The following FAN1 variants were observed in gnomAD, a reference collection of about 807,000 sequenced individuals.
The protein encoded by FAN1 is FANCD2 and FANCI associated nuclease 1.
A neutral mutation model predicts 104.9 loss-of-function variants in FAN1; 91 were observed. The observed-to-expected ratio is 0.87, with a 90% CI of 0.73 to 1.03. FAN1 has a LOEUF of 1.03. FAN1 is among the 50% of genes least tolerant of loss of function. The pLI, the probability that FAN1 is intolerant of heterozygous loss-of-function variation, is 0.00. For missense variants in FAN1, 1,263 were observed against 1,239.9 expected (o/e 1.02, Z -0.28); for synonymous variants, 478 against 457.6 (o/e 1.04, Z -0.57).
At chr15:30,913,561 G>C (rs940767363) in intron 4 of FAN1, among the ~76,000 whole-genome samples, 1 of 152,158 alleles carries the variant, frequency 6.6e-6, no homozygotes, top group Non-Finnish European at 1.5e-5. Context: ...ATACTTTTCT[G>C]AAAGTTTTCC....
At chr15:30,916,917 G>C (rs1386442413) in intron 5 of FAN1, among the ~76,000 whole-genome samples, 2 of 152,150 alleles carry the variant, frequency 1.3e-5, no homozygotes, top group Non-Finnish European at 2.9e-5. Context: ...AGTGGGACTT[G>C]AGGATGAGAA....
intron 8 of FAN1, among the ~76,000 whole-genome samples, chr15:30,923,680 C>A (rs2062390364): frequency 6.6e-6 from 1 of 152,260 alleles, no homozygotes; most frequent in South Asian, 2.1e-4. Flanking sequence ...CAGGCTGCCG[C>A]TGCCCGGCAC....
Position 30,905,453 on chromosome 15 carries a change from T to G in FAN1, c.790T>G (p.Leu264Val). The G allele has an allele frequency of 6.2e-7, 1 of 1,614,100 alleles. No individual in the cohort carries two copies. The highest frequency in any genetic ancestry group is 1.7e-4 in the Middle Eastern group (1 of 6,060). ...TGGATTCTCAGATAATGCGATCATG[T>G]TATTCTCACCAGATTTCACTCTTAG... ...TPGFSDNAIM[L>V]FSPDFTLRNT... Residue 264 changes from leucine (L) to valine (V), a missense_variant, in exon 2 of 15, where the codon TTA becomes GTA. Leu to Val is a conservative substitution (Grantham distance 32). Around this residue, in one of 2 missense-constraint regions of FAN1, gnomAD observed 682 missense variants for 571.1 expected, o/e 1.19. Transcript: ENST00000362065.
chr15:30,925,206 T>C lies in FAN1; in HGVS notation c.2252T>C (p.Val751Ala). The stretch of plus-strand genomic sequence containing the variant: ...CGCCTTTCACTGTATCAGCGAGCCG[T>C]GCGCCTGCGAGAGTCTCCGAGCTGT... Reference protein sequence around the residue: ...GHRLSLYQRAVRLRESPSCKK... With the variant: ...GHRLSLYQRAARLRESPSCKK... Residue 751 changes from valine to alanine, a missense_variant, in exon 9 of 15, where the codon GTG becomes GCG. Val to Ala is a moderately conservative substitution (Grantham distance 64). This residue lies in a region of FAN1 where 581 missense variants were observed against 668.8 expected (regional missense o/e 0.87). Transcript: ENST00000362065. The C allele has an allele frequency of 3.7e-6, 6 of 1,614,062 alleles. No homozygotes were observed. Among genetic ancestry groups the C allele is most frequent in the Non-Finnish European group, 4.2e-6 (5 of 1,180,020 alleles).
chr15:30,920,513 T>C (rs1021956750), intron 6 of FAN1, 32 bp from the exon 7 acceptor site: 7 of 1,367,728 alleles, frequency 5.1e-6, no homozygotes, highest in South Asian at 1.2e-5. Flanking sequence ...TTAACCAAAT[T>C]ATTAAACTAC....
rs1478218331 is a variant in FAN1 at position 30,942,378 on chromosome 15, G to A, written c.*816G>A. On this transcript the variant is annotated 3_prime_UTR_variant, in exon 15 of 15. Transcript: ENST00000362065. ...GCTAGAAAAAACACTAGACCTGGCC[G>A]ATTCTATCAAGAACAATGGCAAACT... The A allele has an allele frequency of 2.3e-5, 9 of 393,314 alleles. No homozygotes were observed. Among genetic ancestry groups the A allele is most frequent in the South Asian group, 8.3e-5 (2 of 24,152 alleles). 24.4% of individuals were successfully genotyped at this position (393,314 alleles called of 1,614,324 possible). A position where few individuals can be genotyped will look rare whatever the true frequency, so the allele number is the denominator to read the frequency against.
intron 3 of FAN1, 83 bp downstream of exon 3, chr15:30,908,341 G>C: frequency 2.5e-6 from 3 of 1,217,834 alleles, no homozygotes; most frequent in Non-Finnish European, 3.4e-6. Flanking sequence ...TATTATTATG[G>C]TGCCCTCCCC....
chr15:30,905,361 G>A lies in FAN1; in HGVS notation c.698G>A (p.Gly233Glu), dbSNP rs4779794. 0.44 allele frequency: 703,473 copies of A among 1,613,248 alleles called. 162,354 individuals carry two copies. Among genetic ancestry groups the A allele is most frequent in the East Asian group, 0.8 (35,952 of 44,852 alleles). Residue 233 changes from glycine to glutamate, a missense_variant, in exon 2 of 15, where the codon GGA (glycine) becomes GAA (glutamate). By Grantham distance (98) the Gly-to-Glu change is moderately conservative (BLOSUM62 -2). Transcript: ENST00000362065. Reference sequence around the variant, plus strand: ...TGCATTCCTGAACATATGGTAAGAGGAAGTAAAATAATGGAAGCCGAAAGC... The same window carrying A: ...TGCATTCCTGAACATATGGTAAGAGAAAGTAAAATAATGGAAGCCGAAAGC... ...EECIPEHMVR[G>E]SKIMEAESQK...
intron 2 of FAN1, chr15:30,906,634 T>C (rs1298174494): frequency 2.4e-6 from 1 of 422,344 alleles, no homozygotes; most frequent in Non-Finnish European, 4.8e-6. Flanking sequence ...AATGCGGCCA[T>C]GTGTGACTCC....
In FAN1 at chr15:30,943,082, A is replaced by AAAT. The variant is rs1281267548; in HGVS notation, c.*1523_*1525dup. The AAAT allele has an allele frequency of 6.5e-7, 1 of 1,529,442 alleles. No homozygotes were observed. Among genetic ancestry groups the AAAT allele is most frequent in the Non-Finnish European group, 8.8e-7 (1 of 1,139,996 alleles). 94.7% of individuals were successfully genotyped at this position (1,529,442 alleles called of 1,614,324 possible). On this transcript the variant is annotated 3_prime_UTR_variant, in exon 15 of 15. Transcript: ENST00000362065. ...TGCTTATAGCAAATTCCTGCAAAATAAATAAATAAATATTTGCAAAACTAA... is the reference window on the plus strand; with the variant it reads ...TGCTTATAGCAAATTCCTGCAAAATAAATAATAAATAAATATTTGCAAAACTAA...
chr15:30,913,735 A>T, intron 4 of FAN1, 123 bp from the exon 5 acceptor site: 1 of 667,940 alleles, frequency 1.5e-6, no homozygotes, highest in Non-Finnish European at 2.5e-6. Flanking sequence ...GCAGTTAAGT[A>T]ATGCTCCAGT....
intron 4 of FAN1, chr15:30,911,336 A>T: frequency 5.1e-6 from 5 of 984,934 alleles, no homozygotes; most frequent in Non-Finnish European, 6.0e-6. Flanking sequence ...TATTTATATA[A>T]TCAAACTATA....
intron 10 of FAN1, chr15:30,927,440 G>A (rs887860635): frequency 1.4e-5 from 14 of 985,678 alleles, no homozygotes; most frequent in Non-Finnish European, 1.7e-5. Flanking sequence ...GGGCTGCAGG[G>A]ATGAGGGGCT....
chr15:30,922,966 C>T (rs1046290149), intron 8 of FAN1, among the ~76,000 whole-genome samples: 2 of 152,224 alleles, frequency 1.3e-5, no homozygotes, highest in Non-Finnish European at 2.9e-5. Context: ...AGAGCCTGTG[C>T]CTGTGGGCTA....
chr15:30,906,231 A>T (rs767976295), intron 2 of FAN1: 3 of 442,660 alleles, frequency 6.8e-6, no homozygotes, highest in Non-Finnish European at 1.3e-5. Context: ...AGAAAAGCAT[A>T]CTTTGCATTT....
At chr15:30,913,810 C>T (rs567122648) in intron 4 of FAN1, 48 bp from the exon 5 acceptor site, 1 of 1,259,056 alleles carries the variant, frequency 7.9e-7, no homozygotes, top group South Asian at 1.3e-5. Context: ...ATCTGACATC[C>T]AAATGCTTAA....
rs775883812 is a variant in FAN1, at chr15:30,925,138, C to T, written c.2184C>T (p.Cys728=). Residue 728 remains cysteine, a synonymous_variant, in exon 9 of 15, where the codon TGC becomes TGT. Coordinates refer to ENST00000362065, the MANE Select transcript of FAN1 (RefSeq NM_014967.5). ...ATGCTCTCTGCCAGACTATCAAGTG[C>T]ATCACAGAGGGGCTGGCGGATCCGG... is the stretch of plus-strand genomic sequence containing the variant. ...HLKRLEPTIK[C]ITEGLADPEV... 1.9e-6 allele frequency: 3 copies of T among 1,613,558 alleles called. No individual in the cohort carries two copies. The Admixed American group carries it at 5.0e-5, about 27-fold the overall frequency.
intron 10 of FAN1, chr15:30,928,123 G>T: frequency 1.0e-6 from 1 of 1,004,522 alleles, no homozygotes; most frequent in Non-Finnish European, 1.2e-6. Context: ...CCTTAGGGAA[G>T]CATTTCTTCA....
Position 30,904,557 on chromosome 15 carries a change from C to T in FAN1, c.-107C>T, listed in dbSNP as rs2061926085. The T allele has an allele frequency of 1.9e-6, 2 of 1,080,154 alleles. No homozygotes were observed. The highest frequency in any genetic ancestry group is 1.7e-5 in the Admixed American group (1 of 59,146). The allele number at this position is 1,080,154 out of a possible 1,614,324, so 66.9% of individuals were successfully genotyped here. On this transcript the variant is annotated 5_prime_UTR_variant, in exon 2 of 15. Transcript: ENST00000362065. ...GAATAACATGAGGTCATATAGAATC[C>T]CACTTTTGGTGATTTCAAGTCAAGA... is the stretch of plus-strand genomic sequence containing the variant.
Sources: allele counts gnomAD v4.1 joint callset (sites outside exome capture counted in the v4.1 genomes callset), GRCh38; gene constraint gnomAD v4.1.1; regional missense constraint gnomAD v4.1.1; transcripts MANE v1.5; gene names NCBI Gene and HGNC (gene_info 2026-07-23, HGNC 2026-07-21).